PCDH17: variants seen among roughly 807,000 people sequenced by gnomAD.
PCDH17 encodes protocadherin 17.
In PCDH17, 21 loss-of-function variants were observed where a neutral mutation model predicts 67.7. The observed-to-expected ratio is 0.31, with a 90% CI of 0.22 to 0.45. PCDH17 has a LOEUF of 0.45. Ranked by LOEUF, PCDH17 falls within the 20% of genes least tolerant of loss-of-function variation. The pLI is 1.00. For missense variants in PCDH17, 1,471 were observed against 1,564.8 expected (o/e 0.94, Z 1.01); for synonymous variants, 701 against 656.7 (o/e 1.07, Z -1.03).
rs750964698 is a variant in PCDH17 at position 57,634,931 on chromosome 13, C to T, written c.2385C>T (p.Pro795=). 1 of 1,613,884 alleles carries T rather than the reference C, an allele frequency of 6.2e-7. No individual in the cohort carries two copies. The highest frequency in any genetic ancestry group is 1.7e-5 in the Admixed American group (1 of 60,014). The change falls in exon 1 of 4, where the codon CCC becomes CCT. Residue 795 remains proline, a synonymous_variant. Transcript: ENST00000377918. This position sits in a 1 kb window ranked among gnomAD's most constrained non-coding sequence, Gnocchi z 7.8. Reference sequence around the variant, plus strand: ...GCAGCCCCTCCCTGGCCACCTCCCCCATGTACTTCGACTACCAGACCCGCC... The same window carrying T: ...GCAGCCCCTCCCTGGCCACCTCCCCTATGTACTTCGACTACCAGACCCGCC... ...VVSSPSLATS[P]MYFDYQTRLP... is the part of the protein sequence containing the mutation.
chr13:57,701,131 C>T (rs1479970117), intron 3 of PCDH17, among the ~76,000 whole-genome samples: 1 of 152,028 alleles, frequency 6.6e-6, no homozygotes, highest in Non-Finnish European at 1.5e-5. Flanking sequence ...TTATTATTTT[C>T]TTCCAGTATT....
rs1955928100 is a variant in PCDH17 at position 57,728,146 on chromosome 13, T to C, written c.*2852T>C. ...AGGACTCTAAGCTTTTATAGTTGAA[T>C]TGAGGAAATCTCGCTTTTATTCATT... On this transcript the variant is annotated 3_prime_UTR_variant, in exon 4 of 4. Coordinates refer to ENST00000377918, the MANE Select transcript of PCDH17 (RefSeq NM_001040429.3). 6.6e-6 allele frequency: 1 copy of C among 152,562 alleles called. No homozygotes were observed. Among genetic ancestry groups the C allele is most frequent in the Non-Finnish European group, 1.5e-5 (1 of 67,996 alleles). The allele number at this position is 152,562 out of a possible 1,614,324, so 9.5% of individuals were successfully genotyped here. A position where few individuals can be genotyped will look rare whatever the true frequency, so the allele number is the denominator to read the frequency against.
intron 3 of PCDH17, among the ~76,000 whole-genome samples, chr13:57,690,764 A>C (rs760173045): frequency 4.0e-5 from 6 of 151,560 alleles, no homozygotes; most frequent in Non-Finnish European, 8.9e-5. Context: ...AGTCCTTTGT[A>C]GTATCATTTA....
chr13:57,706,920 T>A (rs1169111545), intron 3 of PCDH17, among the ~76,000 whole-genome samples: 2 of 152,174 alleles, frequency 1.3e-5, no homozygotes, highest in Non-Finnish European at 2.9e-5. Context: ...TCCATTTTCC[T>A]TAAGAGTTCA....
At chr13:57,639,598 C>T (rs1954865906) in intron 1 of PCDH17, among the ~76,000 whole-genome samples, 1 of 151,826 alleles carries the variant, frequency 6.6e-6, no homozygotes, top group African/African-American at 2.4e-5. Flanking sequence ...TTTCAAAATG[C>T]AAGCTAGGTA....
At chr13:57,688,120 C>A (rs1306732361) in intron 3 of PCDH17, among the ~76,000 whole-genome samples, 1 of 147,794 alleles carries the variant, frequency 6.8e-6, no homozygotes, top group Non-Finnish European at 1.5e-5. Context: ...AAGTCATGGG[C>A]TTCTCTCCTT....
At chr13:57,668,896 G>T (rs1955287865) in intron 3 of PCDH17, among the ~76,000 whole-genome samples, 1 of 151,986 alleles carries the variant, frequency 6.6e-6, no homozygotes, top group African/African-American at 2.4e-5. Context: ...CAACGTGCAG[G>T]TTTGTTACAT....
chr13:57,670,824 A>G (rs1217929849), intron 3 of PCDH17, among the ~76,000 whole-genome samples: 1 of 151,510 alleles, frequency 6.6e-6, no homozygotes, highest in Admixed American at 6.6e-5. Flanking sequence ...TCCGTTCCTG[A>G]TATTTGTGTA....
chr13:57,660,790 A>G (rs184939131), intron 1 of PCDH17, among the ~76,000 whole-genome samples: 4 of 152,274 alleles, frequency 2.6e-5, no homozygotes, highest in Non-Finnish European at 4.4e-5. Context: ...ACAGTATGCA[A>G]TTTTTAAAGA....
At chr13:57,707,985 T>TGACATACATTTTAGGGTGGGGG in intron 3 of PCDH17, among the ~76,000 whole-genome samples, 3 of 152,154 alleles carry the variant, frequency 2.0e-5, no homozygotes, top group Admixed American at 2.0e-4. Context: ...TGTTCTGGGT[T>TGACATACATTTTAGGGTGGGGG]GACATACATT....
chr13:57,641,559 A>G (rs1291851298), intron 1 of PCDH17, among the ~76,000 whole-genome samples: 1 of 5,888 alleles, frequency 1.7e-4, no homozygotes, highest in Non-Finnish European at 3.7e-4. Context: ...TGTTTGAGAG[A>G]AAAAAAAAAA....
intron 3 of PCDH17, among the ~76,000 whole-genome samples, chr13:57,680,667 C>T (rs1955440211): frequency 6.6e-6 from 1 of 151,618 alleles, no homozygotes; most frequent in Admixed American, 6.6e-5. Context: ...CCAAGCTGAT[C>T]ATTCATCAAG....
intron 3 of PCDH17, among the ~76,000 whole-genome samples, chr13:57,683,787 A>G (rs1048001865): frequency 2.0e-5 from 3 of 151,902 alleles, no homozygotes; most frequent in Non-Finnish European, 4.4e-5. Context: ...CCCAGATAGT[A>G]GTGGGCAGTT....
At chr13:57,648,366 T>C (rs184255377) in intron 1 of PCDH17, among the ~76,000 whole-genome samples, 8 of 152,090 alleles carry the variant, frequency 5.3e-5, no homozygotes, top group East Asian at 3.9e-4. Flanking sequence ...TTAGGTTTCA[T>C]TGCACCCATC....
In PCDH17 at chr13:57,634,782, G is replaced by C. The variant is rs1052450412; in HGVS notation, c.2236G>C (p.Glu746Gln). The C allele has an allele frequency of 1.9e-6, 3 of 1,613,930 alleles. No individual in the cohort carries two copies. Among genetic ancestry groups the C allele is most frequent in the Admixed American group, 3.3e-5 (2 of 59,990 alleles). The part of the protein sequence containing the change: ...EIRTYNCRIA[E>Q]YSHPQLGGGK... The stretch of plus-strand genomic sequence containing the variant: ...CCGCACTTACAACTGCCGCATCGCC[G>C]AGTACAGCCACCCGCAGCTGGGTGG... Residue 746 changes from glutamate (E) to glutamine (Q), a missense_variant, in exon 1 of 4, where the codon GAG becomes CAG. Around this residue, in one of 3 missense-constraint regions of PCDH17, gnomAD observed 1,163 missense variants for 1,230.0 expected, o/e 0.95. Transcript: ENST00000377918. The surrounding 1 kb of genome is among the most constrained non-coding windows in gnomAD (Gnocchi z 7.8).
At chr13:57,669,328 A>G (rs1273265071) in intron 3 of PCDH17, among the ~76,000 whole-genome samples, 1 of 152,024 alleles carries the variant, frequency 6.6e-6, no homozygotes, top group Non-Finnish European at 1.5e-5. Flanking sequence ...AAGTAATCAT[A>G]TGGAACTAAT....
intron 3 of PCDH17, among the ~76,000 whole-genome samples, chr13:57,670,866 A>G (rs992808882): frequency 6.6e-6 from 1 of 151,946 alleles, no homozygotes; most frequent in Non-Finnish European, 1.5e-5. Context: ...TTCCAAATAC[A>G]TCGCAAAAGT....
chr13:57,721,830 T>C (rs1213855711), intron 3 of PCDH17, among the ~76,000 whole-genome samples: 2 of 152,102 alleles, frequency 1.3e-5, no homozygotes, highest in East Asian at 3.9e-4. Flanking sequence ...GCCCAACCAG[T>C]CATTCATTGT....
chr13:57,647,585 G>A (rs1459939460), intron 1 of PCDH17, among the ~76,000 whole-genome samples: 1 of 151,532 alleles, frequency 6.6e-6, no homozygotes, highest in African/African-American at 2.4e-5. Flanking sequence ...TATACACAGG[G>A]GTGGATTGGA....
Sources: gnomAD v4.1 joint callset for allele counts (sites outside exome capture counted in the v4.1 genomes callset) on GRCh38, gnomAD v4.1.1 for gene constraint, gnomAD v4.1.1 regional missense constraint, Gnocchi (gnomAD v3.1) non-coding constraint, MANE v1.5 for transcripts, NCBI Gene and HGNC (gene_info 2026-07-23, HGNC 2026-07-21) for gene names.